UNC45A: variants seen among roughly 807,000 people sequenced by gnomAD.
UNC45A encodes protein unc-45 homolog A.
In UNC45A, 78 loss-of-function variants were observed where a neutral mutation model predicts 103.2. The ratio of observed to expected loss-of-function variants is 0.76; its 90% CI spans 0.63 to 0.91. UNC45A has a LOEUF of 0.91. Ranked by LOEUF, UNC45A falls within the 40% of genes least tolerant of loss-of-function variation. The pLI, the probability that UNC45A is intolerant of heterozygous loss-of-function variation, is 0.00. For synonymous variants in UNC45A, 495 were observed against 504.6 expected, an observed-to-expected ratio of 0.98 and a Z score of 0.25; for missense variants, 1,193 against 1,224.8, an observed-to-expected ratio of 0.97 and a Z score of 0.39.
At chr15:90,931,220 C>G, upstream of UNC45A, 1 of 1,542,324 alleles carries the variant, frequency 6.5e-7, no homozygotes, top group Non-Finnish European at 8.8e-7. Flanking sequence ...GCGTATGAAT[C>G]CTGTCCGGCC....
At chr15:90,934,367 G>T, upstream of UNC45A, 1 of 399,056 alleles carries the variant, frequency 2.5e-6, no homozygotes, top group South Asian at 1.3e-4. Flanking sequence ...ACTTGTGCCA[G>T]ACCACCCGGG....
upstream of UNC45A, chr15:90,932,067 A>T: frequency 1.2e-6 from 2 of 1,612,032 alleles, no homozygotes; most frequent in South Asian, 1.1e-5. Flanking sequence ...GTAACACCAC[A>T]ATGTCAGTGA....
Position 90,939,837 on chromosome 15 carries a change from G to A in UNC45A, c.519+14G>A. 1 of 1,612,868 alleles carries A rather than the reference G, an allele frequency of 6.2e-7. No individual in the cohort carries two copies. The highest frequency in any genetic ancestry group is 8.5e-7 in the Non-Finnish European group (1 of 1,179,542). On this transcript the variant is annotated intron_variant, in intron 5 of 19. Transcript: ENST00000418476. ...AAAAAGCAAAAGGTATAGGCCCTGG[G>A]CTGAGTCAGTGAGTGAGCTCCCACT...
intron 8 of UNC45A, among the ~76,000 whole-genome samples, chr15:90,943,661 A>G (rs1172354582): frequency 1.3e-5 from 2 of 151,810 alleles, no homozygotes; most frequent in African/African-American, 4.8e-5. Flanking sequence ...GCCTGCAAGC[A>G]GGTTAGCAGA....
chr15:90,950,102 C>A, intron 15 of UNC45A, 52 bp from the exon 16 acceptor site: 2 of 1,520,782 alleles, frequency 1.3e-6, no homozygotes, highest in South Asian at 2.4e-5. Flanking sequence ...GCCCGATGGT[C>A]GGGGTCTTAC....
At chr15:90,942,723 G>A (rs773277350) in intron 7 of UNC45A, 118 bp downstream of exon 7, 132 of 1,545,960 alleles carry the variant, frequency 8.5e-5, no homozygotes, top group Non-Finnish European at 1.0e-4. Context: ...TTTGGAATAC[G>A]GTTTGGTGAC....
In UNC45A at chr15:90,948,669, G is replaced by A; in HGVS notation, c.1753G>A (p.Val585Met). 1.2e-6 allele frequency: 2 copies of A among 1,614,048 alleles called. No homozygotes were observed. Among genetic ancestry groups the A allele is most frequent in the Non-Finnish European group, 1.7e-6 (2 of 1,179,944 alleles). Residue 585 changes from valine (V) to methionine (M), a missense_variant, in exon 13 of 20, where the codon GTG becomes ATG. Physicochemically the swap from Val to Met is conservative, Grantham distance 21 (BLOSUM62 1). Coordinates refer to ENST00000418476, the MANE Select transcript of UNC45A (RefSeq NM_018671.5). The stretch of plus-strand genomic sequence containing the variant: ...GTCCTGGCAGTTGGAGGAGAGGTCA[G>A]TGCTCTTTGCGGTGGCCTCAGCGCT... ...FQLSRLEERS[V>M]LFAVASALVN...
In UNC45A at chr15:90,941,958, CAAAAAAAA is replaced by C. The variant is rs369044240; in HGVS notation, c.688-468_688-461del. On this transcript the variant is annotated intron_variant, in intron 6 of 19. Coordinates refer to ENST00000418476, the MANE Select transcript of UNC45A (RefSeq NM_018671.5). ...TGGGCGACAGAGCAAGACTCCGTCT[CAAAAAAAA>C]AAAAAAAAAAGAAAAAAGAAAGAAA... 1.3e-4 allele frequency among the ~76,000 whole-genome samples: 9 copies of C among 68,786 alleles called. 1 individual carries two copies. The highest frequency in any genetic ancestry group is 5.2e-4 in the Admixed American group (3 of 5,778). The allele number at this position is 68,786 out of a possible 152,430, so 45.1% of individuals were successfully genotyped here.
rs1157701017 is a variant in UNC45A, at chr15:90,953,629, C to G, written c.2748C>G (p.Asp916Glu). Residue 916 changes from aspartate to glutamate, a missense_variant, in exon 20 of 20, where the codon GAC becomes GAG. Transcript: ENST00000418476. ...MEILSVLAKG[D>E]HSPVTRAAAA... ...TCTTGTCAGTGCTAGCTAAGGGTGACCACAGCCCTGTCACAAGGGCTGCTG... is the reference window on the plus strand; with the variant it reads ...TCTTGTCAGTGCTAGCTAAGGGTGAGCACAGCCCTGTCACAAGGGCTGCTG... The G allele has an allele frequency of 5.0e-6, 8 of 1,614,112 alleles. No homozygotes were observed. Among genetic ancestry groups the G allele is most frequent in the African/African-American group, 1.3e-5 (1 of 75,040 alleles).
chr15:90,948,680 G>C lies in UNC45A; in HGVS notation c.1764G>C (p.Ala588=), dbSNP rs139928573. The C allele has an allele frequency of 6.2e-7, 1 of 1,614,008 alleles. No individual in the cohort carries two copies. Among genetic ancestry groups the C allele is most frequent in the South Asian group, 1.1e-5 (1 of 91,078 alleles). The change falls in exon 13 of 20, where the codon GCG becomes GCC. Residue 588 remains alanine (A), a synonymous_variant. Transcript: ENST00000418476. Reference sequence around the variant, plus strand: ...TGGAGGAGAGGTCAGTGCTCTTTGCGGTGGCCTCAGCGCTGGTGAACTGCA... The same window carrying C: ...TGGAGGAGAGGTCAGTGCTCTTTGCCGTGGCCTCAGCGCTGGTGAACTGCA... The part of the protein sequence containing the change: ...SRLEERSVLF[A]VASALVNCTN...
intron 4 of UNC45A, among the ~76,000 whole-genome samples, chr15:90,938,118 T>C (rs1234243797): frequency 6.6e-6 from 1 of 152,234 alleles, no homozygotes; most frequent in African/African-American, 2.4e-5. Context: ...TTTGTTTCTT[T>C]ATTTTTTCAG....
At chr15:90,952,891 A>G in intron 17 of UNC45A, 38 bp from the exon 18 acceptor site, 1 of 1,585,328 alleles carries the variant, frequency 6.3e-7, no homozygotes, top group Non-Finnish European at 8.6e-7. Context: ...GAAAACATCC[A>G]AACCGTATCC....
upstream of UNC45A, chr15:90,933,848 TC>T (rs1273046324): frequency 1.0e-5 from 4 of 392,016 alleles, no homozygotes; most frequent in Non-Finnish European, 1.8e-5. Context: ...CCCCACGTTT[TC>T]CAACAGGAGA....
upstream of UNC45A, chr15:90,933,553 G>A (rs1180838023): frequency 6.6e-6 from 1 of 152,480 alleles, no homozygotes; most frequent in Non-Finnish European, 1.5e-5. Context: ...AAAGGCTAAT[G>A]AAAGGAGTCA....
At position 90,954,086 on chromosome 15, in the gene UNC45A, G is replaced by C. The variant is rs953323010; in HGVS notation, c.*370G>C. 46 of 298,214 alleles carry C rather than the reference G, an allele frequency of 1.5e-4. No homozygotes were observed. The highest frequency in any genetic ancestry group is 2.8e-4 in the Non-Finnish European group (43 of 152,234). The allele number at this position is 298,214 out of a possible 1,614,324, so 18.5% of individuals were successfully genotyped here. On this transcript the variant is annotated 3_prime_UTR_variant, in exon 20 of 20. Transcript: ENST00000418476. ...CCTGCCCCTCCAATAAAAGTGTGTA[G>C]AACTCCACTGTGTGCCCTGTCCTTG...
intron 7 of UNC45A, 88 bp from the exon 8 acceptor site, chr15:90,942,824 T>G: frequency 7.2e-6 from 11 of 1,523,184 alleles, no homozygotes. Context: ...CCCCCTTCCC[T>G]GTGTCTCCCT....
At position 90,954,074 on chromosome 15, in the gene UNC45A, TAA is replaced by T. The variant is rs769775707; in HGVS notation, c.*361_*362del. The T allele has an allele frequency of 6.8e-4, 214 of 314,282 alleles. No individual in the cohort carries two copies. The highest frequency in any genetic ancestry group is 1.0e-3 in the Admixed American group (23 of 22,990). The allele number at this position is 314,282 out of a possible 1,614,324, so 19.5% of individuals were successfully genotyped here. On this transcript the variant is annotated 3_prime_UTR_variant, in exon 20 of 20. Transcript: ENST00000418476. ...CCTGCTATCAGGCCTGCCCCTCCAA[TAA>T]AAGTGTGTAGAACTCCACTGTGTGC...
upstream of UNC45A, chr15:90,930,644 C>G (rs2035757754): frequency 6.5e-6 from 1 of 153,372 alleles, no homozygotes; most frequent in Non-Finnish European, 1.5e-5. Context: ...GCTGGGATTA[C>G]AGGCGAGAGA....
In UNC45A at chr15:90,946,786, G is replaced by GT. The variant is rs2036594245; in HGVS notation, c.1373dup (p.Glu459GlyfsTer11). On this transcript the variant is annotated frameshift_variant, in exon 10 of 20. Coordinates refer to ENST00000418476, the MANE Select transcript of UNC45A (RefSeq NM_018671.5). LOFTEE classifies it high-confidence loss of function. Reference sequence around the variant, plus strand: ...GCAGGAGGAGGAGCAGCTGGTGGCCGTGGAGGCTCTGATCCATGCAGCCGG... The same window carrying GT: ...GCAGGAGGAGGAGCAGCTGGTGGCCGTTGGAGGCTCTGATCCATGCAGCCGG... 2 of 1,614,250 alleles carry GT rather than the reference G, an allele frequency of 1.2e-6. No individual in the cohort carries two copies. Among genetic ancestry groups the GT allele is most frequent in the East Asian group, 4.5e-5 (2 of 44,892 alleles).
Sources: gnomAD v4.1 joint callset for allele counts (sites outside exome capture counted in the v4.1 genomes callset) on GRCh38, gnomAD v4.1.1 for gene constraint, MANE v1.5 for transcripts, NCBI Gene and HGNC (gene_info 2026-07-23, HGNC 2026-07-21) for gene names.